Variants in CLEC16A observed in about 807,000 individuals in gnomAD.
CLEC16A encodes the protein C-type lectin domain containing 16A, also known as protein CLEC16A.
In CLEC16A, 51 loss-of-function variants were observed where a neutral mutation model predicts 109.5. That is an observed-to-expected ratio of 0.47 (90% CI 0.37 to 0.59). CLEC16A has a LOEUF of 0.59. CLEC16A is among the 20% of genes least tolerant of loss of function. The pLI is 0.00. For missense variants in CLEC16A, 1,339 were observed against 1,394.0 expected, an observed-to-expected ratio of 0.96 and a Z score of 0.63; for synonymous variants, 673 against 564.2, an observed-to-expected ratio of 1.19 and a Z score of -2.73.
At chr16:11,101,976 C>CTTT (rs35871397) in intron 19 of CLEC16A, among the ~76,000 whole-genome samples, 1 of 129,534 alleles carries the variant, frequency 7.7e-6, no homozygotes, top group African/African-American at 2.9e-5. Flanking sequence ...ATAATTTTTG[C>CTTT]TTTTTTTTTT....
chr16:11,141,830 G>A (rs2053845358), intron 22 of CLEC16A, among the ~76,000 whole-genome samples: 1 of 152,228 alleles, frequency 6.6e-6, no homozygotes, highest in Non-Finnish European at 1.5e-5. Context: ...TCGTGTAGCA[G>A]CTTGGGACAG....
At chr16:11,029,842 G>C (rs191753624) in intron 13 of CLEC16A, among the ~76,000 whole-genome samples, 1 of 152,168 alleles carries the variant, frequency 6.6e-6, no homozygotes, top group Admixed American at 6.5e-5. Context: ...TCAAGGCAGT[G>C]TATAATCCAG....
At chr16:11,148,836 C>T (rs2054177288) in intron 22 of CLEC16A, among the ~76,000 whole-genome samples, 1 of 152,180 alleles carries the variant, frequency 6.6e-6, no homozygotes, top group Non-Finnish European at 1.5e-5. Flanking sequence ...CCTCCTGTGA[C>T]AGGTGATGTG....
At chr16:10,970,597 C>T (rs1231918500) in intron 4 of CLEC16A, among the ~76,000 whole-genome samples, 1 of 152,160 alleles carries the variant, frequency 6.6e-6, no homozygotes, top group East Asian at 1.9e-4. Context: ...GAGATGAGGT[C>T]TCGTCACATT....
intron 23 of CLEC16A, among the ~76,000 whole-genome samples, chr16:11,172,028 A>G (rs1023519386): frequency 6.6e-6 from 1 of 152,132 alleles, no homozygotes. Flanking sequence ...ACAAATGTGC[A>G]TGCATAGTCA....
At chr16:11,047,251 A>T (rs1597192301) in intron 16 of CLEC16A, 41 bp from the exon 17 acceptor site, 1 of 1,558,152 alleles carries the variant, frequency 6.4e-7, no homozygotes, top group Non-Finnish European at 8.8e-7. Context: ...ATGGAAAAAA[A>T]TATGAATAAT....
rs575572225 is a variant in CLEC16A, at chr16:11,135,575, C to G, written c.2641+9429C>G. ...TTCACTCTTTGGGGTCATTACCTAACTCATACTGCCAAAGCGACTGTATGC... is the reference window on the plus strand; with the variant it reads ...TTCACTCTTTGGGGTCATTACCTAAGTCATACTGCCAAAGCGACTGTATGC... On this transcript the variant is annotated intron_variant, in intron 22 of 23. Coordinates refer to ENST00000409790, the MANE Select transcript of CLEC16A (RefSeq NM_015226.3). Among the ~76,000 whole-genome samples, 19 of 152,360 alleles carry G rather than the reference C, an allele frequency of 1.2e-4. No individual in the cohort carries two copies. In the East Asian group the frequency reaches 3.7e-3, roughly 29 times the overall value.
chr16:10,983,091 T>C (rs1319710866), intron 10 of CLEC16A, 100 bp downstream of exon 10: 6 of 689,536 alleles, frequency 8.7e-6, no homozygotes, highest in Non-Finnish European at 1.3e-5. Context: ...TCTGAATATA[T>C]AGCAGTGATG....
At chr16:10,977,626 G>C (rs2043094127) in intron 8 of CLEC16A, among the ~76,000 whole-genome samples, 1 of 152,128 alleles carries the variant, frequency 6.6e-6, no homozygotes. Context: ...TAATTCTCCT[G>C]CCTCAGCCTC....
chr16:10,958,772 T>C (rs2042111900), intron 2 of CLEC16A, among the ~76,000 whole-genome samples: 1 of 152,052 alleles, frequency 6.6e-6, no homozygotes, highest in African/African-American at 2.4e-5. Context: ...TGCATGGTTG[T>C]GTGTGCCTGT....
chr16:11,020,018 G>T (rs1264342474), intron 11 of CLEC16A, among the ~76,000 whole-genome samples, 175 bp from the exon 12 acceptor site: 2 of 152,226 alleles, frequency 1.3e-5, no homozygotes, highest in Non-Finnish European at 2.9e-5. Context: ...AGAGGCTCTG[G>T]CCTCTGTCTT....
intron 11 of CLEC16A, among the ~76,000 whole-genome samples, chr16:11,012,535 T>A (rs1306531300): frequency 7.7e-6 from 1 of 130,436 alleles, no homozygotes; most frequent in African/African-American, 2.9e-5. Flanking sequence ...GCGGAGCTTG[T>A]GGTGAGCCGA....
chr16:11,026,479 C>G (rs1397385066), intron 13 of CLEC16A, among the ~76,000 whole-genome samples: 2 of 151,988 alleles, frequency 1.3e-5, no homozygotes, highest in African/African-American at 4.8e-5. Flanking sequence ...TTTTTAATGT[C>G]TGTAGGATCT....
rs143762031 is a variant in CLEC16A, at chr16:11,085,612, T to C, written c.2116+24590T>C. Among the ~76,000 whole-genome samples the C allele has an allele frequency of 4.1e-3, 620 of 152,382 alleles. 2 individuals are homozygous for C. Among genetic ancestry groups the C allele is most frequent in the Non-Finnish European group, 6.8e-3 (460 of 68,042 alleles). On this transcript the variant is annotated intron_variant, in intron 19 of 23. Transcript: ENST00000409790. ...TGTTATAAGTGCTTGGTAGTTGTTA[T>C]TGTCCTGTGGTAGCCTTGGGTCTCT...
At chr16:11,032,484 C>T (rs1037620619) in intron 13 of CLEC16A, among the ~76,000 whole-genome samples, 2 of 152,254 alleles carry the variant, frequency 1.3e-5, no homozygotes, top group African/African-American at 2.4e-5. Context: ...CTTGCCAGGG[C>T]AAGGCCCCGT....
intron 19 of CLEC16A, among the ~76,000 whole-genome samples, chr16:11,109,941 A>G (rs1444194949): frequency 6.6e-6 from 1 of 152,244 alleles, no homozygotes; most frequent in African/African-American, 2.4e-5. Flanking sequence ...CCTGTAAGGA[A>G]AAAGACTTGC....
chr16:11,178,412 T>A lies in CLEC16A; in HGVS notation c.2884T>A (p.Ser962Thr). 6.2e-7 allele frequency: 1 copy of A among 1,613,684 alleles called. No homozygotes were observed. Among genetic ancestry groups the A allele is most frequent in the African/African-American group, 1.3e-5 (1 of 75,000 alleles). ...AATCGTCAACGAAACGGAAGCAGAC[T>A]CTAAGCCCAGCAAGAACGTGGCCAG... ...LVIVNETEAD[S>T]KPSKNVARSA... Residue 962 changes from serine (S) to threonine (T), a missense_variant, in exon 24 of 24, where the codon TCT (serine) becomes ACT (threonine). Transcript: ENST00000409790. This position sits in a 1 kb window ranked among gnomAD's most constrained non-coding sequence, Gnocchi z 6.5.
intron 19 of CLEC16A, among the ~76,000 whole-genome samples, chr16:11,087,107 A>C (rs2050053353): frequency 6.6e-6 from 1 of 152,252 alleles, no homozygotes; most frequent in African/African-American, 2.4e-5. Context: ...CATAAACTAA[A>C]TATGTATTTT....
In CLEC16A at chr16:11,123,760, G is replaced by T; in HGVS notation, c.2287G>T (p.Val763Leu). ...TGTGCAGGACATGCAGGTGACTGGCGTGGAGGACGACAGCCGTGCCCTGAA... is the reference window on the plus strand; with the variant it reads ...TGTGCAGGACATGCAGGTGACTGGCTTGGAGGACGACAGCCGTGCCCTGAA... ...GLLQDMQVTG[V>L]EDDSRALNIT... is the part of the protein sequence containing the mutation. Residue 763 changes from valine (V) to leucine (L), a missense_variant, in exon 21 of 24, where the codon GTG (valine) becomes TTG (leucine). Physicochemically the swap from Val to Leu is conservative, Grantham distance 32. Around this residue, in one of 3 missense-constraint regions of CLEC16A, gnomAD observed 1,061 missense variants for 1,006.8 expected, o/e 1.05. Coordinates refer to ENST00000409790, the MANE Select transcript of CLEC16A (RefSeq NM_015226.3). 1 of 1,614,044 alleles carries T rather than the reference G, an allele frequency of 6.2e-7. No individual in the cohort carries two copies.
Sources: gnomAD v4.1 joint callset for allele counts (sites outside exome capture counted in the v4.1 genomes callset) on GRCh38, gnomAD v4.1.1 for gene constraint, gnomAD v4.1.1 regional missense constraint, Gnocchi (gnomAD v3.1) non-coding constraint, MANE v1.5 for transcripts, NCBI Gene and HGNC (gene_info 2026-07-23, HGNC 2026-07-21) for gene names.